The following KLRG1 variants were observed in gnomAD, a reference collection of about 807,000 sequenced individuals.
KLRG1 encodes killer cell lectin like receptor G1, also known as killer cell lectin-like receptor subfamily G member 1.
In KLRG1, 16 loss-of-function variants were observed where a neutral mutation model predicts 21.8. The observed-to-expected ratio is 0.73, with a 90% CI of 0.50 to 1.11. The LOEUF (loss-of-function observed/expected upper bound fraction) is 1.11. KLRG1 is among the 50% of genes most tolerant of loss of function. KLRG1 has a pLI of 0.00. For synonymous variants in KLRG1, 69 were observed against 75.9 expected, an observed-to-expected ratio of 0.91 and a Z score of 0.47; for missense variants, 173 against 218.3, an observed-to-expected ratio of 0.79 and a Z score of 1.31.
chr12:8,961,763 CA>C (rs1251254987), intron 1 of KLRG1, among the ~76,000 whole-genome samples: 6 of 152,084 alleles, frequency 3.9e-5, no homozygotes, highest in African/African-American at 1.4e-4. Context: ...CTGTAGCATA[CA>C]ATTCACAATG....
At chr12:9,182,788 G>T in the KLRG1 span, among the ~76,000 whole-genome samples, 8 of 152,326 alleles carry the variant, frequency 5.3e-5, no homozygotes, top group South Asian at 8.3e-4. Context: ...GACTTGAGTA[G>T]ATGGCCCACA....
the KLRG1 span, among the ~76,000 whole-genome samples, chr12:9,068,492 A>G: frequency 6.6e-6 from 1 of 152,192 alleles, no homozygotes; most frequent in Non-Finnish European, 1.5e-5. Context: ...CATACAGTCC[A>G]TTTATCTGAT....
the KLRG1 span, chr12:9,149,634 G>GA: frequency 6.2e-7 from 1 of 1,606,508 alleles, no homozygotes; most frequent in South Asian, 1.1e-5. Context: ...AGGAAGAAAC[G>GA]AAAGATCTAT....
the KLRG1 span, chr12:9,089,908 C>T: frequency 6.2e-7 from 1 of 1,609,124 alleles, no homozygotes; most frequent in Non-Finnish European, 8.5e-7. Flanking sequence ...TTACTTCAAC[C>T]AACAGAGGCT....
chr12:8,966,486 T>A (rs1292237790), intron 1 of KLRG1, among the ~76,000 whole-genome samples: 2 of 150,354 alleles, frequency 1.3e-5, no homozygotes, highest in Non-Finnish European at 1.5e-5. Context: ...TCAAACAAAT[T>A]TACAAGAAAA....
At chr12:9,108,692 C>A in the KLRG1 span, among the ~76,000 whole-genome samples, 1 of 152,114 alleles carries the variant, frequency 6.6e-6, no homozygotes, top group East Asian at 1.9e-4. Context: ...CTGTGTGCCA[C>A]CATGGATGGG....
the KLRG1 span, among the ~76,000 whole-genome samples, chr12:9,197,432 A>G: frequency 7.3e-6 from 1 of 136,278 alleles, no homozygotes; most frequent in East Asian, 2.0e-4. Context: ...ATAATTATTA[A>G]TTATTGGAGT....
the KLRG1 span, chr12:9,165,173 G>A: frequency 6.2e-7 from 1 of 1,614,088 alleles, no homozygotes; most frequent in Non-Finnish European, 8.5e-7. Context: ...TAGGACCGTG[G>A]CCTTGAGTGT....
chr12:9,151,282 C>G, the KLRG1 span, among the ~76,000 whole-genome samples: 1 of 152,114 alleles, frequency 6.6e-6, no homozygotes, highest in Admixed American at 6.5e-5. Context: ...TGATTTATCA[C>G]TTCAAGTTTA....
the KLRG1 span, chr12:9,093,500 G>T: frequency 6.2e-7 from 1 of 1,613,904 alleles, no homozygotes; most frequent in Non-Finnish European, 8.5e-7. Context: ...ATGTCTCAGG[G>T]AAGTACTTTC....
chr12:9,203,646 A>C, the KLRG1 span: 1 of 1,196,142 alleles, frequency 8.4e-7, no homozygotes, highest in Non-Finnish European at 1.2e-6. Context: ...TGGCCCCTGA[A>C]GTCCTAACTA....
chr12:9,156,999 A>G, the KLRG1 span, among the ~76,000 whole-genome samples: 1 of 151,998 alleles, frequency 6.6e-6, no homozygotes, highest in Non-Finnish European at 1.5e-5. Flanking sequence ...TAGGTGTGCC[A>G]TGGTGGTTTG....
chr12:9,080,115 G>A, the KLRG1 span: 13 of 1,588,430 alleles, frequency 8.2e-6, no homozygotes, highest in Non-Finnish European at 1.1e-5. Flanking sequence ...ACAGAAGCTC[G>A]GGCAGATTCT....
chr12:9,198,294 G>A, the KLRG1 span, among the ~76,000 whole-genome samples: 1 of 152,048 alleles, frequency 6.6e-6, no homozygotes, highest in Non-Finnish European at 1.5e-5. Flanking sequence ...TGAGGCTACA[G>A]TGAGCTAAGA....
At chr12:9,101,783 C>G in the KLRG1 span, 1 of 877,320 alleles carries the variant, frequency 1.1e-6, no homozygotes, top group Non-Finnish European at 1.7e-6. Flanking sequence ...AGCTAGAAAT[C>G]TTTTGTTCCA....
At chr12:8,975,876 C>T (rs1330604291) in intron 1 of KLRG1, among the ~76,000 whole-genome samples, 1 of 152,004 alleles carries the variant, frequency 6.6e-6, no homozygotes, top group African/African-American at 2.4e-5. Flanking sequence ...TTTTCTTAGA[C>T]TAGCTAAGTG....
the KLRG1 span, chr12:9,067,930 C>T: frequency 1.6e-6 from 2 of 1,246,116 alleles, no homozygotes; most frequent in Admixed American, 1.9e-5. Context: ...AGCATAGTGC[C>T]CAAGGAAACC....
At chr12:9,145,669 G>C in the KLRG1 span, among the ~76,000 whole-genome samples, 5 of 152,098 alleles carry the variant, frequency 3.3e-5, no homozygotes, top group Admixed American at 2.0e-4. Flanking sequence ...TTGTGTTGCT[G>C]TTTAGTGTCC....
the KLRG1 span, among the ~76,000 whole-genome samples, chr12:9,050,936 A>T: frequency 6.6e-6 from 1 of 152,100 alleles, no homozygotes; most frequent in African/African-American, 2.4e-5. Context: ...AGGACTTGGG[A>T]GCCATGAATG....
Sources: allele counts gnomAD v4.1 joint callset (sites outside exome capture counted in the v4.1 genomes callset), GRCh38; gene constraint gnomAD v4.1.1; transcripts MANE v1.5; gene names NCBI Gene and HGNC (gene_info 2026-07-23, HGNC 2026-07-21).